Variants in FCRL1 observed in about 807,000 individuals in gnomAD.
FCRL1 encodes the protein Fc receptor-like protein 1.
Under a neutral mutation model 49.2 loss-of-function variants are expected in FCRL1, and 34 were observed. The observed-to-expected ratio is 0.69, with a 90% CI of 0.53 to 0.92. FCRL1 has a LOEUF of 0.92. FCRL1 is among the 40% of genes least tolerant of loss of function. The pLI, the probability that FCRL1 is intolerant of heterozygous loss-of-function variation, is 0.00. For missense variants in FCRL1, 524 were observed against 524.1 expected (o/e 1.00, Z 0.00); for synonymous variants, 218 against 201.6 (o/e 1.08, Z -0.69).
chr1:157,806,452 GA>G (rs1184887598), intron 2 of FCRL1, among the ~76,000 whole-genome samples: 1 of 152,178 alleles, frequency 6.6e-6, no homozygotes, highest in Non-Finnish European at 1.5e-5. Context: ...CCTTCGTGGG[GA>G]AAGGGATTGC....
intron 3 of FCRL1, 70 bp downstream of exon 3, chr1:157,803,774 AC>A: frequency 2.6e-6 from 4 of 1,554,236 alleles, no homozygotes; most frequent in East Asian, 4.5e-5. Context: ...AGAACCCATA[AC>A]AGTGAGGATT....
At chr1:157,813,702 A>C (rs1654653991) in intron 1 of FCRL1, among the ~76,000 whole-genome samples, 2 of 152,210 alleles carry the variant, frequency 1.3e-5, no homozygotes, top group Non-Finnish European at 2.9e-5. Flanking sequence ...AAACGACTCA[A>C]GTCTTGGGAT....
At chr1:157,809,888 C>T (rs955870312) in intron 1 of FCRL1, among the ~76,000 whole-genome samples, 34 of 152,180 alleles carry the variant, frequency 2.2e-4, no homozygotes, top group African/African-American at 8.0e-4. Context: ...CATACCACTG[C>T]ACTTCAGCTG....
At chr1:157,815,582 T>A (rs1384627833) in intron 1 of FCRL1, among the ~76,000 whole-genome samples, 1 of 151,554 alleles carries the variant, frequency 6.6e-6, no homozygotes, top group East Asian at 1.9e-4. Context: ...CCAAAGTTAG[T>A]AGAAGGAAGG....
Position 157,798,222 on chromosome 1 carries a change from G to A in FCRL1, c.1053C>T (p.Pro351=). The change falls in exon 8 of 11, where the codon CCC becomes CCT. Residue 351 remains proline (P), a synonymous_variant. Coordinates refer to ENST00000368176, the MANE Select transcript of FCRL1 (RefSeq NM_052938.5). ...GTGAGTTGAGGTAGGTGAACTCTTG[G>A]GGTAGAGGGCTGGGAAGGCTCCTGC... is the stretch of plus-strand genomic sequence containing the variant. The part of the protein sequence containing the change: ...DPLRSLPSPL[P]QEFTYLNSPT... 1.2e-6 allele frequency: 2 copies of A among 1,612,710 alleles called. No homozygotes were observed. Among genetic ancestry groups the A allele is most frequent in the African/African-American group, 1.3e-5 (1 of 74,926 alleles).
In FCRL1 at chr1:157,798,164, T is replaced by C. The variant is rs753834860; in HGVS notation, c.1111A>G (p.Asn371Asp). 1 of 1,611,434 alleles carries C rather than the reference T, an allele frequency of 6.2e-7. No homozygotes were observed. Among genetic ancestry groups the C allele is most frequent in the Non-Finnish European group, 8.5e-7 (1 of 1,178,518 alleles). ...TPGQLQPIYE[N>D]VNVVSGDEVY... is the part of the protein sequence containing the mutation. Reference sequence around the variant, plus strand: ...TGGGCCATTTGGGAAGGCTCACCATTTTCATATATAGGCTGTAGCTGCCCT... The same window carrying C: ...TGGGCCATTTGGGAAGGCTCACCATCTTCATATATAGGCTGTAGCTGCCCT... The change falls in exon 8 of 11, where the codon AAT becomes GAT. Residue 371 changes from asparagine to aspartate, a missense_variant. By Grantham distance (23) the Asn-to-Asp change is conservative. Coordinates refer to ENST00000368176, the MANE Select transcript of FCRL1 (RefSeq NM_052938.5).
intron 1 of FCRL1, 23 bp from the exon 2 acceptor site, chr1:157,807,145 T>A (rs770089750): frequency 6.2e-7 from 1 of 1,613,010 alleles, no homozygotes; most frequent in Non-Finnish European, 8.5e-7. Context: ...TCAGCAGAGA[T>A]CAGTACAGAG....
At chr1:157,799,965 G>A (rs1335404437) in intron 7 of FCRL1, 93 bp downstream of exon 7, 35 of 1,183,240 alleles carry the variant, frequency 3.0e-5, no homozygotes, top group Middle Eastern at 4.4e-4. Flanking sequence ...TAATAAAGCC[G>A]GAAAAAAAAT....
rs1651428714 is a variant in FCRL1, at chr1:157,796,131, T to C, written c.1258A>G (p.Ile420Val). ...GCATCTTCATAGTCCACATCTGTAA[T>C]GTTTGCTTTCCTCAGCCTGGAATAG... ...DIYSRLRKAN[I>V]TDVDYEDAM Residue 420 changes from isoleucine to valine, a missense_variant, in exon 11 of 11, where the codon ATT becomes GTT. Ile to Val is a conservative substitution (Grantham distance 29). Coordinates refer to ENST00000368176, the MANE Select transcript of FCRL1 (RefSeq NM_052938.5). 1.2e-6 allele frequency: 2 copies of C among 1,614,088 alleles called. No homozygotes were observed. Among genetic ancestry groups the C allele is most frequent in the East Asian group, 4.5e-5 (2 of 44,884 alleles).
intron 1 of FCRL1, among the ~76,000 whole-genome samples, chr1:157,809,281 T>C (rs372258006): frequency 6.6e-6 from 1 of 152,110 alleles, no homozygotes; most frequent in East Asian, 1.9e-4. Flanking sequence ...CCAAGCCAGA[T>C]GCAGTGGCTT....
At chr1:157,801,625 G>T (rs1160497576) in intron 5 of FCRL1, 48 bp from the exon 6 acceptor site, 3 of 1,327,352 alleles carry the variant, frequency 2.3e-6, no homozygotes, top group African/African-American at 2.9e-5. Context: ...AGGGCTTGGG[G>T]CTTAGAGAGC....
intron 4 of FCRL1, 30 bp downstream of exon 4, chr1:157,802,343 ACTGG>A (rs1432355289): frequency 1.2e-6 from 2 of 1,603,794 alleles, no homozygotes; most frequent in Admixed American, 3.4e-5. Context: ...CCAGTTTGTG[ACTGG>A]CTGGCTGAAC....
At chr1:157,804,761 A>C (rs979152476) in intron 2 of FCRL1, among the ~76,000 whole-genome samples, 2 of 152,014 alleles carry the variant, frequency 1.3e-5, no homozygotes, top group African/African-American at 4.8e-5. Flanking sequence ...TTCTTTACAA[A>C]CCTCTGTAGA....
In FCRL1 at chr1:157,794,667, A is replaced by G. The variant is rs1391926724; in HGVS notation, c.*1432T>C. 6.6e-6 allele frequency: 1 copy of G among 152,210 alleles called. No individual in the cohort carries two copies. Among genetic ancestry groups the G allele is most frequent in the African/African-American group, 2.4e-5 (1 of 41,466 alleles). The allele number at this position is 152,210 out of a possible 1,614,324, so 9.4% of individuals were successfully genotyped here. A position where few individuals can be genotyped will look rare whatever the true frequency, so the allele number is the denominator to read the frequency against. On this transcript the variant is annotated 3_prime_UTR_variant, in exon 11 of 11. Transcript: ENST00000368176. Reference sequence around the variant, plus strand: ...CATTTGTTTGAACTTTGTTTTTATAATATGAATTTTTTGAGAGTCTCCTTA... The same window carrying G: ...CATTTGTTTGAACTTTGTTTTTATAGTATGAATTTTTTGAGAGTCTCCTTA...
intron 1 of FCRL1, among the ~76,000 whole-genome samples, chr1:157,814,324 A>T (rs1478886262): frequency 6.6e-6 from 1 of 152,156 alleles, no homozygotes; most frequent in African/African-American, 2.4e-5. Context: ...ACATAAGGCA[A>T]CAAAAATATA....
At position 157,800,075 on chromosome 1, in the gene FCRL1, T is replaced by A. The variant is rs1164050111; in HGVS notation, c.1014A>T (p.Ser338=). 1 of 1,613,510 alleles carries A rather than the reference T, an allele frequency of 6.2e-7. No homozygotes were observed. ...GGCCTCACCTGAGTGGATCCCTGGC[T>A]GAACGTCTTCCTGAAAGAAAAACAA... ...YGLKRKIGRR[S]ARDPLRSLPS... is the part of the protein sequence containing the mutation. The change falls in exon 7 of 11, where the codon TCA becomes TCT. Residue 338 remains serine, a synonymous_variant. Transcript: ENST00000368176.
intron 2 of FCRL1, chr1:157,806,838 G>T: frequency 2.7e-6 from 1 of 370,926 alleles, no homozygotes; most frequent in Non-Finnish European, 4.9e-6. Flanking sequence ...GGGACTTCCC[G>T]GAAGTAAGAC....
chr1:157,818,287 T>C (rs1655326048), intron 1 of FCRL1, among the ~76,000 whole-genome samples: 2 of 151,814 alleles, frequency 1.3e-5, no homozygotes, highest in Non-Finnish European at 2.9e-5. Context: ...ATAAAGAAAA[T>C]GCAATATACA....
At chr1:157,810,129 T>G (rs1367146419) in intron 1 of FCRL1, among the ~76,000 whole-genome samples, 2 of 152,170 alleles carry the variant, frequency 1.3e-5, no homozygotes, top group African/African-American at 4.8e-5. Context: ...TGATGCTATG[T>G]GCAAGAACAG....
Sources: allele counts gnomAD v4.1 joint callset (sites outside exome capture counted in the v4.1 genomes callset), GRCh38; gene constraint gnomAD v4.1.1; transcripts MANE v1.5; gene names NCBI Gene and HGNC (gene_info 2026-07-23, HGNC 2026-07-21).